The following CTSS variants were observed in gnomAD, a reference collection of about 807,000 sequenced individuals.
CTSS encodes the protein cathepsin S.
In CTSS, 15 loss-of-function variants were observed where a neutral mutation model predicts 39.9. The observed-to-expected ratio is 0.38, with a 90% confidence interval of 0.25 to 0.58. The LOEUF (loss-of-function observed/expected upper bound fraction) is 0.58. Among genes scored for constraint, CTSS ranks in the 20% least tolerant of loss-of-function variants. The pLI is 0.70. For missense variants in CTSS, 250 were observed against 398.2 expected, an observed-to-expected ratio of 0.63 and a Z score of 3.17; for synonymous variants, 126 against 138.2, an observed-to-expected ratio of 0.91 and a Z score of 0.62.
At chr1:150,743,213 T>G (rs1277174652) in intron 7 of CTSS, among the ~76,000 whole-genome samples, 1 of 152,066 alleles carries the variant, frequency 6.6e-6, no homozygotes, top group Non-Finnish European at 1.5e-5. Flanking sequence ...GTGAGAAATG[T>G]GCCATTGCAT....
intron 7 of CTSS, among the ~76,000 whole-genome samples, chr1:150,738,679 G>A (rs1478333398): frequency 6.6e-6 from 1 of 151,902 alleles, no homozygotes; most frequent in African/African-American, 2.4e-5. Flanking sequence ...TGTAGAGACA[G>A]AGTCTTGCTA....
chr1:150,733,258 A>C, intron 7 of CTSS, 113 bp from the exon 8 acceptor site: 3 of 678,656 alleles, frequency 4.4e-6, no homozygotes, highest in Non-Finnish European at 5.0e-6. Flanking sequence ...AGGCCGTAAA[A>C]CAAAATTAGA....
chr1:150,731,467 T>C lies in CTSS; in HGVS notation c.*1579A>G, dbSNP rs1652520640. 6.6e-6 allele frequency: 1 copy of C among 152,220 alleles called. No individual in the cohort carries two copies. Among genetic ancestry groups the C allele is most frequent in the Non-Finnish European group, 1.5e-5 (1 of 68,032 alleles). The allele number at this position is 152,220 out of a possible 1,614,324, so 9.4% of individuals were successfully genotyped here. On this transcript the variant is annotated 3_prime_UTR_variant, in exon 8 of 8. Transcript: ENST00000368985. ...TTCTATACACTTTTGATGATAGCCATGTATTATGGTATTATTTATGTTTTT... is the reference window on the plus strand; with the variant it reads ...TTCTATACACTTTTGATGATAGCCACGTATTATGGTATTATTTATGTTTTT...
chr1:150,742,047 G>GCCAACATGGTGAAACTCCAT (rs1266328779), intron 7 of CTSS, among the ~76,000 whole-genome samples: 1 of 151,964 alleles, frequency 6.6e-6, no homozygotes. Context: ...GATCATCCTG[G>GCCAACATGGTGAAACTCCAT]CCAACATGGT....
In CTSS at chr1:150,750,103, A is replaced by G. The variant is rs1023342133; in HGVS notation, c.696T>C (p.Tyr232=). The change falls in exon 6 of 8, where the codon TAT becomes TAC. Residue 232 remains tyrosine, a synonymous_variant. Transcript: ENST00000368985. ...CTTCTTTCAGGACATCTTCTCTGCC[A>G]TAAGGAAGTTCAGTGTACTTTGAAC... is the stretch of plus-strand genomic sequence containing the variant. ...ATCSKYTELP[Y]GREDVLKEAV... The G allele has an allele frequency of 1.9e-6, 3 of 1,613,938 alleles. No homozygotes were observed. In the African/African-American group the frequency reaches 4.0e-5, roughly 22 times the overall value.
chr1:150,747,377 C>T (rs1054073940), intron 7 of CTSS, among the ~76,000 whole-genome samples: 1 of 152,044 alleles, frequency 6.6e-6, no homozygotes, highest in African/African-American at 2.4e-5. Context: ...GATTCAAAAG[C>T]TATTGGCATA....
chr1:150,751,904 C>T lies in CTSS; in HGVS notation c.504G>A (p.Val168=), dbSNP rs755498502. ...KLVSLSAQNL[V]DCSTEKYGNK... is the part of the protein sequence containing the mutation. ...TTCCATATTTTTCAGTTGAGCAATC[C>T]ACCAGGTTCTGGGCACTGAGAGACA... The change falls in exon 5 of 8, where the codon GTG becomes GTA. Residue 168 remains valine, a synonymous_variant. Transcript: ENST00000368985. The T allele has an allele frequency of 1.2e-4, 186 of 1,614,050 alleles. 1 individual carries two copies. The highest frequency in any genetic ancestry group is 1.4e-4 in the Non-Finnish European group (169 of 1,180,034).
intron 7 of CTSS, among the ~76,000 whole-genome samples, chr1:150,744,694 A>G (rs1419404291): frequency 7.0e-6 from 1 of 143,882 alleles, no homozygotes; most frequent in Non-Finnish European, 1.5e-5. Context: ...TATGTATTGT[A>G]TATTATGTAT....
chr1:150,753,063 T>G (rs1285910162), intron 4 of CTSS, among the ~76,000 whole-genome samples: 1 of 151,938 alleles, frequency 6.6e-6, no homozygotes, highest in Non-Finnish European at 1.5e-5. Context: ...CTATATTGCC[T>G]AGGTTGGTTT....
At chr1:150,750,263 C>CT (rs1410182710) in intron 5 of CTSS, 92 bp from the exon 6 acceptor site, 1 of 992,382 alleles carries the variant, frequency 1.0e-6, no homozygotes. Context: ...GTCTCCCTTC[C>CT]TTTCTTTAAC....
In CTSS at chr1:150,755,061, C is replaced by A; in HGVS notation, c.339G>T (p.Arg113=). 1.2e-6 allele frequency: 2 copies of A among 1,614,116 alleles called. No homozygotes were observed. The highest frequency in any genetic ancestry group is 1.7e-6 in the Non-Finnish European group (2 of 1,180,004). The change falls in exon 4 of 8, where the codon CGG becomes CGT. Residue 113 remains arginine (R), a synonymous_variant. Coordinates refer to ENST00000368985, the MANE Select transcript of CTSS (RefSeq NM_004079.5). ...TCCAGTCCACAGAATCAGGCAATATCCGATTAGGGTTTGACTTATATGTGA... is the reference window on the plus strand; with the variant it reads ...TCCAGTCCACAGAATCAGGCAATATACGATTAGGGTTTGACTTATATGTGA... The part of the protein sequence containing the change: ...RNITYKSNPN[R]ILPDSVDWRE...
At chr1:150,750,459 A>T (rs1652985939) in intron 5 of CTSS, among the ~76,000 whole-genome samples, 1 of 152,168 alleles carries the variant, frequency 6.6e-6, no homozygotes, top group Non-Finnish European at 1.5e-5. Flanking sequence ...GAAATATTAC[A>T]TAGAGATAAT....
In CTSS at chr1:150,755,115, C is replaced by A; in HGVS notation, c.285G>T (p.Leu95=). 6.2e-7 allele frequency: 1 copy of A among 1,614,170 alleles called. No homozygotes were observed. Among genetic ancestry groups the A allele is most frequent in the Non-Finnish European group, 8.5e-7 (1 of 1,180,032 alleles). The change falls in exon 4 of 8, where the codon CTG becomes CTT. Residue 95 remains leucine, a synonymous_variant. Coordinates refer to ENST00000368985, the MANE Select transcript of CTSS (RefSeq NM_004079.5). ...SEEVMSLMSS[L]RVPSQWQRNI... ...TTCTCTGCCACTGGCTGGGAACTCT[C>A]AGGGAACTCATCAAAGACATCACTT... is the stretch of plus-strand genomic sequence containing the variant.
rs1213251220 is a variant in CTSS, at chr1:150,744,557, GT to G, written c.896+3219del. Among the ~76,000 whole-genome samples the G allele has an allele frequency of 4.4e-5, 5 of 114,140 alleles. No homozygotes were observed. The Admixed American group carries it at 5.5e-4, about 13-fold the overall frequency. The allele number at this position is 114,140 out of a possible 152,430, so 74.9% of individuals were successfully genotyped here. On this transcript the variant is annotated intron_variant, in intron 7 of 7. Coordinates refer to ENST00000368985, the MANE Select transcript of CTSS (RefSeq NM_004079.5). ...ACATAATATATTATATATTATATAT[GT>G]ATATTATGTATACATAATATATTAT...
chr1:150,758,136 G>A (rs1323013833), intron 2 of CTSS, among the ~76,000 whole-genome samples, 156 bp from the exon 3 acceptor site: 1 of 151,320 alleles, frequency 6.6e-6, no homozygotes, highest in Non-Finnish European at 1.5e-5. Context: ...TTCAACCTCC[G>A]ATTCTCAGGT....
At chr1:150,763,263 A>C (rs2101928676) in intron 2 of CTSS, among the ~76,000 whole-genome samples, 1 of 152,272 alleles carries the variant, frequency 6.6e-6, no homozygotes, top group Non-Finnish European at 1.5e-5. Flanking sequence ...TAGAGAGTAG[A>C]ATGGTGGTTA....
chr1:150,735,744 A>G (rs1652622316), intron 7 of CTSS, among the ~76,000 whole-genome samples: 1 of 145,900 alleles, frequency 6.9e-6, no homozygotes, highest in Admixed American at 7.2e-5. Context: ...GCATACCACC[A>G]TGCTTGGCCA....
chr1:150,736,460 A>G (rs1303378356), intron 7 of CTSS, among the ~76,000 whole-genome samples: 1 of 152,222 alleles, frequency 6.6e-6, no homozygotes, highest in African/African-American at 2.4e-5. Context: ...AATGAAATTC[A>G]GACCAGTACA....
At chr1:150,741,175 A>T (rs587650481) in intron 7 of CTSS, among the ~76,000 whole-genome samples, 2 of 151,718 alleles carry the variant, frequency 1.3e-5, no homozygotes, top group African/African-American at 2.4e-5. Flanking sequence ...CTAATTTTTT[A>T]AATTTGTTTA....
Sources: allele counts gnomAD v4.1 joint callset (sites outside exome capture counted in the v4.1 genomes callset), GRCh38; gene constraint gnomAD v4.1.1; transcripts MANE v1.5; gene names NCBI Gene and HGNC (gene_info 2026-07-23, HGNC 2026-07-21).